Variants in DSCAML1 observed in about 807,000 individuals in gnomAD.
DSCAML1 encodes cell adhesion molecule DSCAML1.
In DSCAML1, 38 loss-of-function variants were observed where a neutral mutation model predicts 200.5. The observed-to-expected ratio is 0.19, with a 90% confidence interval of 0.15 to 0.25. DSCAML1 has a LOEUF of 0.25. Ranked by LOEUF, DSCAML1 falls within the 10% of genes least tolerant of loss-of-function variation. The pLI, the probability that DSCAML1 is intolerant of heterozygous loss-of-function variation, is 1.00. For synonymous variants in DSCAML1, 1,215 were observed against 1,165.0 expected, an observed-to-expected ratio of 1.04 and a Z score of -0.87; for missense variants, 2,223 against 2,858.8, an observed-to-expected ratio of 0.78 and a Z score of 5.07.
chr11:117,584,943 G>T (rs2051113986), intron 3 of DSCAML1, among the ~76,000 whole-genome samples: 1 of 152,174 alleles, frequency 6.6e-6, no homozygotes, highest in Admixed American at 6.5e-5. Context: ...CTTGGCACAG[G>T]ACAAGTGTCC....
At position 117,518,644 on chromosome 11, in the gene DSCAML1, G is replaced by T; in HGVS notation, c.1332C>A (p.Asp444Glu). Residue 444 changes from aspartate to glutamate, a missense_variant, in exon 7 of 33, where the codon GAC (aspartate) becomes GAA (glutamate). This residue lies in a region of DSCAML1 where 579 missense variants were observed against 721.5 expected (regional missense o/e 0.80). Transcript: ENST00000651296. The surrounding 1 kb of genome is among the most constrained non-coding windows in gnomAD (Gnocchi z 6.3). ...TGCCATCCCGCACGATGGGCTCATC[G>T]TCGAGGGCCCAGGTGACCGTGGGGG... is the stretch of plus-strand genomic sequence containing the variant. ...APPPTVTWAL[D>E]DEPIVRDGSH... 3.7e-6 allele frequency: 6 copies of T among 1,613,418 alleles called. No homozygotes were observed. Among genetic ancestry groups the T allele is most frequent in the Non-Finnish European group, 5.1e-6 (6 of 1,179,916 alleles).
At chr11:117,653,746 C>G (rs988496292) in intron 3 of DSCAML1, among the ~76,000 whole-genome samples, 1 of 152,090 alleles carries the variant, frequency 6.6e-6, no homozygotes, top group Non-Finnish European at 1.5e-5. Flanking sequence ...CAAGAAAAAG[C>G]GTGCACAAGA....
chr11:117,429,733 A>C (rs1253192432), intron 32 of DSCAML1, among the ~76,000 whole-genome samples: 8 of 151,062 alleles, frequency 5.3e-5, no homozygotes, highest in Non-Finnish European at 8.9e-5. Flanking sequence ...CCACCGCCTG[A>C]CCCCCCGTGC....
Position 117,518,825 on chromosome 11 carries a change from AC to A in DSCAML1, c.1214-64del. 2 of 1,517,318 alleles carry A rather than the reference AC, an allele frequency of 1.3e-6. No individual in the cohort carries two copies. Among genetic ancestry groups the A allele is most frequent in the Non-Finnish European group, 1.8e-6 (2 of 1,139,364 alleles). 94.0% of individuals were successfully genotyped at this position (1,517,318 alleles called of 1,614,324 possible). The stretch of plus-strand genomic sequence containing the variant: ...CCATGGAGAGACGGTCCCCCCAGCC[AC>A]CCCACCTCAGCAGGGGAGGAGGCAA... On this transcript the variant is annotated intron_variant, in intron 6 of 32. Coordinates refer to ENST00000651296, the MANE Select transcript of DSCAML1 (RefSeq NM_020693.4). The surrounding 1 kb of genome is among the most constrained non-coding windows in gnomAD (Gnocchi z 6.3).
intron 3 of DSCAML1, among the ~76,000 whole-genome samples, chr11:117,562,737 GTTTTTC>G (rs1364890422): frequency 1.3e-5 from 2 of 152,136 alleles, no homozygotes; most frequent in Non-Finnish European, 2.9e-5. Context: ...TTCTTTCCTT[GTTTTTC>G]TTTTTCTGTT....
rs755006528 is a variant in DSCAML1, at chr11:117,642,550, G to A, written c.512-110028C>T. Among the ~76,000 whole-genome samples, 35 of 152,352 alleles carry A rather than the reference G, an allele frequency of 2.3e-4. No individual in the cohort carries two copies. The highest frequency in any genetic ancestry group is 4.0e-4 in the Non-Finnish European group (27 of 68,032). ...AGAGCAGGGGCACCAGGTGCCTGGC[G>A]AGGGGCTGGAAGGAGCAATGGTGAG... is the stretch of plus-strand genomic sequence containing the variant. On this transcript the variant is annotated intron_variant, in intron 3 of 32. Transcript: ENST00000651296. This position sits in a 1 kb window ranked among gnomAD's most constrained non-coding sequence, Gnocchi z 4.1.
At chr11:117,621,130 C>T (rs1372153262) in intron 3 of DSCAML1, among the ~76,000 whole-genome samples, 1 of 152,228 alleles carries the variant, frequency 6.6e-6, no homozygotes, top group African/African-American at 2.4e-5. Flanking sequence ...GTGCTCCATT[C>T]AAAGCCCAGC....
intron 21 of DSCAML1, among the ~76,000 whole-genome samples, chr11:117,442,477 TTG>T (rs1229691975): frequency 6.6e-6 from 1 of 151,122 alleles, no homozygotes; most frequent in Non-Finnish European, 1.5e-5. Context: ...ATGCATGTGT[TTG>T]TGCGTGTGCA....
intron 3 of DSCAML1, among the ~76,000 whole-genome samples, chr11:117,592,450 C>T: frequency 6.6e-6 from 1 of 152,080 alleles, no homozygotes; most frequent in East Asian, 1.9e-4. Flanking sequence ...CCTGGAAGCC[C>T]CCTGAGGGCT....
chr11:117,675,372 A>T (rs1256352308), intron 3 of DSCAML1, among the ~76,000 whole-genome samples: 1 of 151,504 alleles, frequency 6.6e-6, no homozygotes, highest in Non-Finnish European at 1.5e-5. Flanking sequence ...ATCATGGCTC[A>T]CTGCAGCCTC....
chr11:117,720,677 C>A (rs1312402208), intron 3 of DSCAML1, among the ~76,000 whole-genome samples: 1 of 152,266 alleles, frequency 6.6e-6, no homozygotes, highest in Non-Finnish European at 1.5e-5. Flanking sequence ...GACCTGGATT[C>A]AAACTCTGGC....
intron 3 of DSCAML1, among the ~76,000 whole-genome samples, chr11:117,626,210 T>G (rs12361297): frequency 1.3e-4 from 15 of 115,502 alleles, no homozygotes; most frequent in African/African-American, 1.9e-4. Flanking sequence ...CCCCCCCCCC[T>G]CCTTCTTCTG....
At chr11:117,680,689 A>G (rs2053295266) in intron 3 of DSCAML1, among the ~76,000 whole-genome samples, 1 of 152,158 alleles carries the variant, frequency 6.6e-6, no homozygotes, top group Admixed American at 6.5e-5. Flanking sequence ...CAGGGCTTGT[A>G]AGGACAGCCT....
chr11:117,693,220 A>G (rs2053529713), intron 3 of DSCAML1, among the ~76,000 whole-genome samples: 1 of 152,156 alleles, frequency 6.6e-6, no homozygotes, highest in East Asian at 1.9e-4. Context: ...CTGAACCTAC[A>G]TCAAGTCAAG....
chr11:117,672,121 AAAG>A (rs1429738731), intron 3 of DSCAML1, among the ~76,000 whole-genome samples: 105 of 147,562 alleles, frequency 7.1e-4, no homozygotes, highest in African/African-American at 2.5e-3. Flanking sequence ...AAAAAAAAAA[AAAG>A]AAGAAACCTT....
chr11:117,601,399 C>T (rs545259335), intron 3 of DSCAML1, among the ~76,000 whole-genome samples: 1 of 152,280 alleles, frequency 6.6e-6, no homozygotes, highest in African/African-American at 2.4e-5. Context: ...CGACCTTCAC[C>T]TTCTGAGGTC....
At chr11:117,493,516 A>C (rs531445075) in intron 11 of DSCAML1, among the ~76,000 whole-genome samples, 2 of 151,462 alleles carry the variant, frequency 1.3e-5, no homozygotes, top group East Asian at 3.9e-4. Flanking sequence ...GGGTTTCACC[A>C]TGTTGGCCAG....
At chr11:117,675,491 TTTTTTTTTA>T (rs1200897145) in intron 3 of DSCAML1, among the ~76,000 whole-genome samples, 1 of 148,906 alleles carries the variant, frequency 6.7e-6, no homozygotes, top group African/African-American at 2.5e-5. Flanking sequence ...TTTTTTTTTT[TTTTTTTTTA>T]GAGACAGGGT....
intron 3 of DSCAML1, among the ~76,000 whole-genome samples, chr11:117,712,322 G>C (rs896459984): frequency 6.6e-6 from 1 of 152,134 alleles, no homozygotes; most frequent in Non-Finnish European, 1.5e-5. Flanking sequence ...AGTGGGGGTT[G>C]GGGAGGGTTC....
Sources: allele counts gnomAD v4.1 joint callset (sites outside exome capture counted in the v4.1 genomes callset), GRCh38; gene constraint gnomAD v4.1.1; regional missense constraint gnomAD v4.1.1; non-coding constraint Gnocchi (gnomAD v3.1); transcripts MANE v1.5; gene names NCBI Gene and HGNC (gene_info 2026-07-23, HGNC 2026-07-21).